RORB: variants seen among roughly 807,000 people sequenced by gnomAD.
The protein encoded by RORB is nuclear receptor ROR-beta.
Under a neutral mutation model 59.1 loss-of-function variants are expected in RORB, and 6 were observed. The observed-to-expected ratio is 0.10, with a 90% CI of 0.06 to 0.20. RORB has a LOEUF of 0.20. Ranked by LOEUF, RORB falls within the 10% of genes least tolerant of loss-of-function variation. RORB has a pLI of 1.00. For synonymous variants in RORB, 215 were observed against 204.5 expected (o/e 1.05, Z -0.44); for missense variants, 320 against 560.5 (o/e 0.57, Z 4.33).
chr9:74,661,859 A>G (rs1208405057), intron 5 of RORB, among the ~76,000 whole-genome samples: 1 of 151,618 alleles, frequency 6.6e-6, no homozygotes, highest in African/African-American at 2.4e-5. Flanking sequence ...GTTAGCCAGG[A>G]TGGTGTCGAT....
chr9:74,642,344 C>A, intron 3 of RORB, 70 bp from the exon 4 acceptor site: 1 of 1,447,726 alleles, frequency 6.9e-7, no homozygotes, highest in Non-Finnish European at 9.4e-7. Flanking sequence ...TCCCATGACC[C>A]GTTGTACCTG....
chr9:74,674,312 G>T (rs1824398286), intron 9 of RORB, among the ~76,000 whole-genome samples: 1 of 152,120 alleles, frequency 6.6e-6, no homozygotes, highest in Non-Finnish European at 1.5e-5. Context: ...GTTATTCATA[G>T]ACCCCTTGGG....
At chr9:74,624,386 T>G (rs1223000288) in intron 1 of RORB, among the ~76,000 whole-genome samples, 1 of 152,204 alleles carries the variant, frequency 6.6e-6, no homozygotes, top group Non-Finnish European at 1.5e-5. Flanking sequence ...AAGCTGATGT[T>G]GAGATGCACT....
intron 1 of RORB, among the ~76,000 whole-genome samples, chr9:74,500,981 A>G (rs1331660399): frequency 6.6e-6 from 1 of 152,174 alleles, no homozygotes; most frequent in Non-Finnish European, 1.5e-5. Context: ...TAACTTCTGA[A>G]GGCGAAAGGG....
intron 9 of RORB, among the ~76,000 whole-genome samples, chr9:74,682,555 A>G (rs1420531048): frequency 6.6e-6 from 1 of 152,290 alleles, no homozygotes; most frequent in South Asian, 2.1e-4. Flanking sequence ...GTTCTTTATC[A>G]ATAGACTAAT....
intron 1 of RORB, 93 bp from the exon 2 acceptor site, chr9:74,630,189 C>A: frequency 6.7e-7 from 1 of 1,503,222 alleles, no homozygotes; most frequent in South Asian, 1.4e-5. Flanking sequence ...CAAATACAAA[C>A]ATCAAGGCAG....
rs1203188170 is a variant in RORB, at chr9:74,688,575, A to T, written c.*2957A>T. On this transcript the variant is annotated 3_prime_UTR_variant, in exon 10 of 10. Coordinates refer to ENST00000376896, the MANE Select transcript of RORB (RefSeq NM_006914.4). ...GATGTTGCACTGTATCCACTCAGGG[A>T]TGTTTCCTTAAAAAAAAAAAATACA... 7.1e-6 allele frequency: 1 copy of T among 141,050 alleles called. No individual in the cohort carries two copies. Among genetic ancestry groups the T allele is most frequent in the African/African-American group, 2.6e-5 (1 of 38,788 alleles). The allele number at this position is 141,050 out of a possible 1,614,324, so 8.7% of individuals were successfully genotyped here. A position where few individuals can be genotyped will look rare whatever the true frequency, so the allele number is the denominator to read the frequency against.
At chr9:74,630,830 AAAAAAG>A (rs368495935) in intron 2 of RORB, among the ~76,000 whole-genome samples, 942 of 81,390 alleles carry the variant, frequency 0.012, 14 homozygotes, top group African/African-American at 0.028. Context: ...TTACAGGAAA[AAAAAAG>A]AAAAGAAAAG....
intron 1 of RORB, among the ~76,000 whole-genome samples, chr9:74,524,538 A>G (rs751076564): frequency 1.3e-5 from 2 of 151,976 alleles, no homozygotes; most frequent in African/African-American, 2.4e-5. Flanking sequence ...AAATGCATGC[A>G]TAAAAGATTC....
intron 1 of RORB, among the ~76,000 whole-genome samples, chr9:74,502,358 A>G (rs1196474656): frequency 2.0e-5 from 3 of 152,082 alleles, no homozygotes; most frequent in Admixed American, 6.5e-5. Flanking sequence ...CAGGGATTTA[A>G]TACGATTTGA....
At chr9:74,586,571 C>T (rs1923959) in intron 1 of RORB, among the ~76,000 whole-genome samples, 144,633 of 151,472 alleles carry the variant, frequency 0.95, 69,417 homozygotes, top group East Asian at 1. Context: ...ACAATAAAAT[C>T]GTATGCAAAT....
intron 1 of RORB, among the ~76,000 whole-genome samples, chr9:74,580,644 A>C (rs182729579): frequency 1.9e-4 from 29 of 152,264 alleles, no homozygotes; most frequent in South Asian, 1.5e-3. Flanking sequence ...TAAGGCCATC[A>C]AAATATGTTC....
At chr9:74,499,383 C>G (rs1329395689) in intron 1 of RORB, among the ~76,000 whole-genome samples, 1 of 152,130 alleles carries the variant, frequency 6.6e-6, no homozygotes, top group Non-Finnish European at 1.5e-5. Flanking sequence ...CCCTCCCGCA[C>G]CCGGTGAGCC....
rs1183937122 is a variant in RORB, at chr9:74,637,369, T to A, written c.235+2597T>A. 7.2e-5 allele frequency among the ~76,000 whole-genome samples: 11 copies of A among 152,310 alleles called. No homozygotes were observed. In the East Asian group the frequency reaches 2.1e-3, roughly 29 times the overall value. On this transcript the variant is annotated intron_variant, in intron 3 of 9. Transcript: ENST00000376896. ...TCCTGAAATTTCACTGCTATATCGG[T>A]TTATTAGCTATCGAATATATCAGAA...
chr9:74,508,698 C>T (rs1382859264), intron 1 of RORB, among the ~76,000 whole-genome samples: 2 of 152,104 alleles, frequency 1.3e-5, no homozygotes, highest in East Asian at 3.9e-4. Flanking sequence ...AACTACATTT[C>T]TTATAAAAGT....
chr9:74,689,192 C>G lies in RORB; in HGVS notation c.*3574C>G, dbSNP rs1337104651. The G allele has an allele frequency of 1.3e-5, 2 of 152,398 alleles. No individual in the cohort carries two copies. The highest frequency in any genetic ancestry group is 1.3e-4 in the Admixed American group (2 of 15,278). The allele number at this position is 152,398 out of a possible 1,614,324, so 9.4% of individuals were successfully genotyped here. A position where few individuals can be genotyped will look rare whatever the true frequency, so the allele number is the denominator to read the frequency against. On this transcript the variant is annotated 3_prime_UTR_variant, in exon 10 of 10. Coordinates refer to ENST00000376896, the MANE Select transcript of RORB (RefSeq NM_006914.4). ...GATCTTGGCTCGCTGCAATCTCTGC[C>G]TCCTGGGTTCAAGCGATTCTCCTGC...
intron 1 of RORB, among the ~76,000 whole-genome samples, chr9:74,518,390 T>C (rs1826038964): frequency 6.6e-6 from 1 of 151,990 alleles, no homozygotes; most frequent in African/African-American, 2.4e-5. Context: ...TAAGACAACC[T>C]GAATTAATTT....
chr9:74,685,510 G>A lies in RORB; in HGVS notation c.1272G>A (p.Gly424=). The A allele has an allele frequency of 6.2e-7, 1 of 1,613,334 alleles. No individual in the cohort carries two copies. Among genetic ancestry groups the A allele is most frequent in the African/African-American group, 1.3e-5 (1 of 74,988 alleles). Residue 424 remains glycine (G), a synonymous_variant, in exon 10 of 10, where the codon GGG becomes GGA. Coordinates refer to ENST00000376896, the MANE Select transcript of RORB (RefSeq NM_006914.4). The part of the protein sequence containing the change: ...PTITAVCNLH[G]EKLQVFKQSH... ...TCACGGCAGTTTGCAACTTGCACGG[G>A]GAGAAGCTGCAGGTATTTAAGCAAT...
intron 1 of RORB, among the ~76,000 whole-genome samples, chr9:74,584,984 G>A (rs1427044833): frequency 6.6e-6 from 1 of 152,136 alleles, no homozygotes; most frequent in Admixed American, 6.5e-5. Context: ...ATACACCCAG[G>A]GCTCAGGTGG....
Sources: gnomAD v4.1 joint callset for allele counts (sites outside exome capture counted in the v4.1 genomes callset) on GRCh38, gnomAD v4.1.1 for gene constraint, MANE v1.5 for transcripts, NCBI Gene and HGNC (gene_info 2026-07-23, HGNC 2026-07-21) for gene names.